NLGN1: variants seen among roughly 807,000 people sequenced by gnomAD.
The protein encoded by NLGN1 is neuroligin 1.
Under a neutral mutation model 65.5 loss-of-function variants are expected in NLGN1, and 12 were observed. That is an observed-to-expected ratio of 0.18 (90% confidence interval 0.12 to 0.30). NLGN1 has a LOEUF of 0.30. Ranked by LOEUF, NLGN1 falls within the 10% of genes least tolerant of loss-of-function variation. The pLI is 1.00. For synonymous variants in NLGN1, 350 were observed against 359.5 expected (o/e 0.97, Z 0.30); for missense variants, 750 against 1,007.1 (o/e 0.74, Z 3.46).
At chr3:173,741,967 C>G (rs376869861) in intron 3 of NLGN1, among the ~76,000 whole-genome samples, 1 of 152,102 alleles carries the variant, frequency 6.6e-6, no homozygotes, top group African/African-American at 2.4e-5. Flanking sequence ...TTCCCACCCC[C>G]TCTAGGCCCT....
chr3:173,976,674 G>T (rs1200961718), intron 4 of NLGN1, among the ~76,000 whole-genome samples: 2 of 151,868 alleles, frequency 1.3e-5, no homozygotes, highest in African/African-American at 4.8e-5. Flanking sequence ...GTTTTTCTGG[G>T]CTATGTTGAA....
At chr3:173,649,436 A>G (rs1758792153) in intron 3 of NLGN1, among the ~76,000 whole-genome samples, 1 of 152,178 alleles carries the variant, frequency 6.6e-6, no homozygotes, top group Admixed American at 6.5e-5. Flanking sequence ...ACATATGTCA[A>G]AACATATCAA....
intron 4 of NLGN1, among the ~76,000 whole-genome samples, chr3:174,251,608 G>A (rs575899539): frequency 6.6e-6 from 1 of 152,122 alleles, no homozygotes; most frequent in Admixed American, 6.6e-5. Flanking sequence ...TTTTGGCATG[G>A]ATAACAGGTA....
intron 1 of NLGN1, among the ~76,000 whole-genome samples, chr3:173,433,392 G>T (rs1475498909): frequency 6.6e-6 from 1 of 152,026 alleles, no homozygotes; most frequent in Non-Finnish European, 1.5e-5. Flanking sequence ...CAGTGCTCAG[G>T]CTCTGATCCC....
chr3:173,631,381 C>T (rs1755657555), intron 3 of NLGN1, among the ~76,000 whole-genome samples: 1 of 152,048 alleles, frequency 6.6e-6, no homozygotes, highest in Non-Finnish European at 1.5e-5. Flanking sequence ...GAGACTTGAC[C>T]TGCCTTTTAC....
chr3:173,871,674 T>C (rs1731186251), intron 4 of NLGN1, among the ~76,000 whole-genome samples: 1 of 152,222 alleles, frequency 6.6e-6, no homozygotes. Flanking sequence ...AACAAGGCCA[T>C]GCCTGGAACA....
In NLGN1 at chr3:174,275,267, T is replaced by C. The variant is rs148253696; in HGVS notation, c.647-48T>C. The C allele has an allele frequency of 9.1e-5, 127 of 1,396,358 alleles. No individual in the cohort carries two copies. In the East Asian group the frequency reaches 2.7e-3, roughly 29 times the overall value. The allele number at this position is 1,396,358 out of a possible 1,614,324, so 86.5% of individuals were successfully genotyped here. On this transcript the variant is annotated intron_variant, in intron 4 of 6. Transcript: ENST00000457714. ...ATTTGTGTTTAAATTTGATGTCTAT[T>C]TGATTCACGTCAGCTCAAAACGTGT...
chr3:173,706,428 A>G (rs1036459439), intron 3 of NLGN1, among the ~76,000 whole-genome samples: 4 of 152,220 alleles, frequency 2.6e-5, no homozygotes, highest in Non-Finnish European at 5.9e-5. Context: ...GTCTTTGCGT[A>G]CTTGTTCAAT....
downstream of NLGN1, among the ~76,000 whole-genome samples, chr3:174,288,104 T>G (rs1300265111): frequency 6.6e-6 from 1 of 151,554 alleles, no homozygotes; most frequent in Admixed American, 6.6e-5. Flanking sequence ...TGCTATACTC[T>G]GTAGCAAATC....
chr3:173,544,471 A>C (rs1739428153), intron 2 of NLGN1, among the ~76,000 whole-genome samples: 1 of 152,140 alleles, frequency 6.6e-6, no homozygotes, highest in Admixed American at 6.6e-5. Flanking sequence ...AAAGGACTCA[A>C]TAAGCACCCT....
At position 173,715,279 on chromosome 3, in the gene NLGN1, C is replaced by T. The variant is rs59358631; in HGVS notation, c.494-92401C>T. Among the ~76,000 whole-genome samples the T allele has an allele frequency of 3.4e-3, 518 of 152,282 alleles. 5 individuals are homozygous for T. Among genetic ancestry groups the T allele is most frequent in the African/African-American group, 0.012 (491 of 41,560 alleles). ...TTTTGTCCAGTAAGAATATATGTTA[C>T]TCATGTTCCATGGCCTTTAAACACT... On this transcript the variant is annotated intron_variant, in intron 3 of 6. Coordinates refer to ENST00000457714, the Ensembl canonical transcript of NLGN1.
rs111795457 is a variant in NLGN1 at position 174,241,358 on chromosome 3, T to C, written c.647-33957T>C. Among the ~76,000 whole-genome samples, 993 of 152,180 alleles carry C rather than the reference T, an allele frequency of 6.5e-3. 10 individuals are homozygous for C. The highest frequency in any genetic ancestry group is 0.021 in the African/African-American group (882 of 41,550). On this transcript the variant is annotated intron_variant, in intron 4 of 6. Coordinates refer to ENST00000457714, the Ensembl canonical transcript of NLGN1. ...GAGTGTACTGCTTTTATAGTAAATA[T>C]ATACTTGATTAAAATTTTTAAAAAT...
chr3:174,156,826 A>G (rs925426657), intron 4 of NLGN1, among the ~76,000 whole-genome samples: 19 of 151,678 alleles, frequency 1.3e-4, no homozygotes, highest in Non-Finnish European at 2.5e-4. Flanking sequence ...GCTACGTGGC[A>G]AGTTAATTGT....
At chr3:174,020,702 C>G (rs1312490319) in intron 4 of NLGN1, among the ~76,000 whole-genome samples, 9 of 152,032 alleles carry the variant, frequency 5.9e-5, no homozygotes. Flanking sequence ...GAATATATTT[C>G]AGAGTAGTAG....
chr3:173,854,584 G>A (rs1677890889), intron 4 of NLGN1, among the ~76,000 whole-genome samples: 1 of 151,932 alleles, frequency 6.6e-6, no homozygotes. Flanking sequence ...ATCAATGTTT[G>A]CGTTGATTTT....
chr3:173,590,597 TTGAA>T (rs1020988648), intron 2 of NLGN1, among the ~76,000 whole-genome samples: 47 of 152,244 alleles, frequency 3.1e-4, no homozygotes, highest in African/African-American at 1.1e-3. Context: ...TAAACGTTTA[TTGAA>T]TGAATGAATG....
intron 4 of NLGN1, among the ~76,000 whole-genome samples, chr3:173,930,655 G>T (rs1446259789): frequency 6.6e-6 from 1 of 152,162 alleles, no homozygotes; most frequent in African/African-American, 2.4e-5. Context: ...TACGAATTAA[G>T]AAAATGAAGT....
chr3:173,977,354 A>C (rs1384761174), intron 4 of NLGN1, among the ~76,000 whole-genome samples: 1 of 151,916 alleles, frequency 6.6e-6, no homozygotes, highest in Non-Finnish European at 1.5e-5. Context: ...ACGTGCATAA[A>C]CACTGTAATG....
chr3:174,251,914 G>A (rs1277399755), intron 4 of NLGN1, among the ~76,000 whole-genome samples: 3 of 152,048 alleles, frequency 2.0e-5, no homozygotes, highest in Non-Finnish European at 4.4e-5. Flanking sequence ...AGAAAAAAAA[G>A]AAAACTGGCT....
Sources: allele counts gnomAD v4.1 joint callset (sites outside exome capture counted in the v4.1 genomes callset), GRCh38; gene constraint gnomAD v4.1.1; transcripts MANE v1.5; gene names NCBI Gene and HGNC (gene_info 2026-07-23, HGNC 2026-07-21).